Variants in NOX4 observed in about 807,000 individuals in gnomAD.
NOX4 encodes kidney oxidase-1.
NOX4 carries 69 observed loss-of-function variants against 87.6 expected under a neutral mutation model. The ratio of observed to expected loss-of-function variants is 0.79; its 90% confidence interval spans 0.65 to 0.96. The LOEUF is 0.96. NOX4 is among the 40% of genes least tolerant of loss of function. NOX4 has a pLI of 0.00. For missense variants in NOX4, 680 were observed against 681.5 expected, an observed-to-expected ratio of 1.00 and a Z score of 0.02; for synonymous variants, 275 against 238.2, an observed-to-expected ratio of 1.15 and a Z score of -1.42.
intron 11 of NOX4, among the ~76,000 whole-genome samples, chr11:89,377,730 C>A (rs1939962127): frequency 6.6e-6 from 1 of 151,910 alleles, no homozygotes; most frequent in Non-Finnish European, 1.5e-5. Flanking sequence ...AAAATGATTC[C>A]AAAATAGCAA....
At chr11:89,535,173 C>T in the NOX4 span, among the ~76,000 whole-genome samples, 1 of 152,084 alleles carries the variant, frequency 6.6e-6, no homozygotes, top group Non-Finnish European at 1.5e-5. Flanking sequence ...AAATCTCAGT[C>T]CCCTAAGATA....
At chr11:89,555,318 C>T in the NOX4 span, among the ~76,000 whole-genome samples, 3 of 151,834 alleles carry the variant, frequency 2.0e-5, no homozygotes, top group African/African-American at 7.2e-5. Context: ...GACCTCATCT[C>T]CACACACACA....
intron 2 of NOX4, among the ~76,000 whole-genome samples, chr11:89,472,871 T>C (rs572141353): frequency 6.6e-6 from 1 of 152,198 alleles, no homozygotes; most frequent in Admixed American, 6.6e-5. Context: ...TAAATGATTA[T>C]GAAATTTTAA....
intron 7 of NOX4, among the ~76,000 whole-genome samples, chr11:89,429,768 C>A (rs904269698): frequency 2.0e-5 from 3 of 152,110 alleles, no homozygotes; most frequent in Non-Finnish European, 4.4e-5. Flanking sequence ...CGAATTCTAC[C>A]AGAGGTACAA....
the NOX4 span, among the ~76,000 whole-genome samples, chr11:89,512,672 A>G: frequency 1.4e-4 from 22 of 152,118 alleles, no homozygotes; most frequent in Non-Finnish European, 3.1e-4. Context: ...TCTTCTGTCT[A>G]TGGTCATTTA....
At position 89,489,098 on chromosome 11, in the gene NOX4, G is replaced by A. The variant is rs1438726229; in HGVS notation, c.153+1360C>T. The A allele has an allele frequency of 2.9e-5, 19 of 658,336 alleles. No homozygotes were observed. In the East Asian group the frequency reaches 3.8e-4, roughly 13 times the overall value. 40.8% of individuals were successfully genotyped at this position (658,336 alleles called of 1,614,324 possible). ...CTAGAAGTTAAACTTTATAAAGTGT[G>A]TGATCAACAGATTATGATATTACTT... On this transcript the variant is annotated intron_variant, in intron 2 of 17. Coordinates refer to ENST00000263317, the MANE Select transcript of NOX4 (RefSeq NM_016931.5).
rs796891669 is a variant in NOX4 at position 89,465,824 on chromosome 11, G to GT, written c.154-13930dup. 3.6e-3 allele frequency among the ~76,000 whole-genome samples: 517 copies of GT among 144,588 alleles called. 6 individuals are homozygous for GT. The highest frequency in any genetic ancestry group is 0.012 in the African/African-American group (454 of 36,332). 94.9% of individuals were successfully genotyped at this position (144,588 alleles called of 152,430 possible). ...TATCCTTTGCTCACTTTATGATGGG[G>GT]TTTTTTTTTTCTTGTAAATTTGTTT... On this transcript the variant is annotated intron_variant, in intron 2 of 17. Transcript: ENST00000263317.
chr11:89,561,015 T>TATATATATATATATATATATAC, the NOX4 span, among the ~76,000 whole-genome samples: 1 of 80,532 alleles, frequency 1.2e-5, no homozygotes, highest in African/African-American at 6.0e-5. Context: ...TATATATATA[T>TATATATATATATATATATATAC]ATATACATAC....
the NOX4 span, among the ~76,000 whole-genome samples, chr11:89,584,132 G>T: frequency 0.016 from 2,478 of 152,124 alleles, 55 homozygotes; most frequent in African/African-American, 0.053. Context: ...TTGATTCTTT[G>T]TGAAGTATTT....
intron 2 of NOX4, 132 bp downstream of exon 2, chr11:89,490,326 C>T: frequency 1.5e-6 from 1 of 659,226 alleles, no homozygotes; most frequent in Non-Finnish European, 2.7e-6. Flanking sequence ...AATGTGACCA[C>T]TTTAGAGAAC....
At chr11:89,444,484 C>CACACACAT (rs1334253613) in intron 4 of NOX4, among the ~76,000 whole-genome samples, 456 of 148,326 alleles carry the variant, frequency 3.1e-3, no homozygotes, top group African/African-American at 0.011. Flanking sequence ...CACACACACA[C>CACACACAT]ACACACACAT....
At chr11:89,559,501 A>G in the NOX4 span, among the ~76,000 whole-genome samples, 2 of 152,146 alleles carry the variant, frequency 1.3e-5, no homozygotes, top group South Asian at 4.1e-4. Flanking sequence ...GCCAATTTCA[A>G]ACTACCAAGG....
chr11:89,469,557 T>C (rs956680226), intron 2 of NOX4, among the ~76,000 whole-genome samples: 6 of 152,158 alleles, frequency 3.9e-5, no homozygotes, highest in African/African-American at 1.2e-4. Context: ...AGTTCTTTCA[T>C]GGCGCCTTAC....
At chr11:89,419,076 T>C (rs1047098772) in intron 8 of NOX4, among the ~76,000 whole-genome samples, 3 of 152,110 alleles carry the variant, frequency 2.0e-5, no homozygotes, top group African/African-American at 7.2e-5. Context: ...ATAATATGTC[T>C]AGCTTTTCCA....
chr11:89,524,076 G>T, the NOX4 span, among the ~76,000 whole-genome samples: 1 of 152,098 alleles, frequency 6.6e-6, no homozygotes, highest in Admixed American at 6.6e-5. Context: ...TAGCTGTGGT[G>T]GTTTATGGAT....
At chr11:89,464,508 A>C (rs1160550846) in intron 2 of NOX4, among the ~76,000 whole-genome samples, 4 of 152,200 alleles carry the variant, frequency 2.6e-5, no homozygotes, top group Non-Finnish European at 1.5e-5. Flanking sequence ...CTATTAGCTA[A>C]ACAGATTGTT....
the NOX4 span, among the ~76,000 whole-genome samples, chr11:89,521,730 T>G: frequency 6.6e-6 from 1 of 151,898 alleles, no homozygotes; most frequent in Admixed American, 6.6e-5. Context: ...AAACAACTGA[T>G]AGAGTAAACA....
the NOX4 span, among the ~76,000 whole-genome samples, chr11:89,535,032 T>C: frequency 6.6e-6 from 1 of 152,220 alleles, no homozygotes; most frequent in Admixed American, 6.5e-5. Flanking sequence ...AGAGCTTTAT[T>C]CATTACAAGA....
rs1565296945 is a variant in NOX4, at chr11:89,440,731, A to T, written c.448-16T>A. 6 of 1,461,294 alleles carry T rather than the reference A, an allele frequency of 4.1e-6. No homozygotes were observed. The highest frequency in any genetic ancestry group is 4.7e-6 in the Non-Finnish European group (5 of 1,058,656). 90.5% of individuals were successfully genotyped at this position (1,461,294 alleles called of 1,614,324 possible). A position where few individuals can be genotyped will look rare whatever the true frequency, so the allele number is the denominator to read the frequency against. On this transcript the variant is annotated splice_polypyrimidine_tract_variant and intron_variant, in intron 5 of 17. Transcript: ENST00000263317. ...TTCTAGGATCCTGAGAAAAAGAAAAAAAAATAAATGATTAAAAACTAAAGC... is the reference window on the plus strand; with the variant it reads ...TTCTAGGATCCTGAGAAAAAGAAAATAAAATAAATGATTAAAAACTAAAGC...
Sources: gnomAD v4.1 joint callset for allele counts (sites outside exome capture counted in the v4.1 genomes callset) on GRCh38, gnomAD v4.1.1 for gene constraint, MANE v1.5 for transcripts, NCBI Gene and HGNC (gene_info 2026-07-23, HGNC 2026-07-21) for gene names.